Variants in RIC8B observed in about 807,000 individuals in gnomAD.
RIC8B encodes the protein chaperone Ric-8B.
Under a neutral mutation model 57.5 loss-of-function variants are expected in RIC8B, and 16 were observed. That is an observed-to-expected ratio of 0.28 (90% CI 0.19 to 0.42). The LOEUF (loss-of-function observed/expected upper bound fraction) is 0.42. Among genes scored for constraint, RIC8B ranks in the 10% least tolerant of loss-of-function variants. RIC8B has a pLI of 1.00. For missense variants in RIC8B, 481 were observed against 677.0 expected, an observed-to-expected ratio of 0.71 and a Z score of 3.21; for synonymous variants, 216 against 250.8, an observed-to-expected ratio of 0.86 and a Z score of 1.31.
chr12:106,825,659 A>G (rs1392778343), intron 3 of RIC8B, 67 bp from the exon 4 acceptor site: 1 of 1,141,662 alleles, frequency 8.8e-7, no homozygotes, highest in East Asian at 2.4e-5. Context: ...GAGATGTAGT[A>G]AAGTAGCAGA....
At chr12:106,845,136 T>G (rs1949128031) in intron 6 of RIC8B, among the ~76,000 whole-genome samples, 1 of 152,170 alleles carries the variant, frequency 6.6e-6, no homozygotes, top group African/African-American at 2.4e-5. Flanking sequence ...CCTTGTGCGC[T>G]CCCTCAGTCG....
In RIC8B at chr12:106,865,461, A is replaced by G. The variant is rs988494165; in HGVS notation, c.1451+5049A>G. On this transcript the variant is annotated intron_variant, in intron 8 of 9. Transcript: ENST00000392837. ...TTCTTTGATATAACCAAAACAGAAA[A>G]CAAAAGAAAGAAAATGTATCTGTGT... Among the ~76,000 whole-genome samples, 3 of 152,188 alleles carry G rather than the reference A, an allele frequency of 2.0e-5. 1 individual carries two copies. The South Asian group carries it at 6.2e-4, about 32-fold the overall frequency.
intron 6 of RIC8B, among the ~76,000 whole-genome samples, chr12:106,849,010 T>A (rs929299105): frequency 6.6e-6 from 1 of 152,048 alleles, no homozygotes; most frequent in African/African-American, 2.4e-5. Context: ...TGGGGATGGC[T>A]AATGGGTACA....
chr12:106,786,152 T>TTC (rs2044015342), intron 2 of RIC8B, among the ~76,000 whole-genome samples: 1 of 135,186 alleles, frequency 7.4e-6, no homozygotes, highest in African/African-American at 2.8e-5. Context: ...TTTTTTTTTT[T>TTC]TTTTTTTTTT....
rs538449999 is a variant in RIC8B at position 106,870,960 on chromosome 12, A to AT, written c.1571+24dup. 2.0e-3 allele frequency: 3,073 copies of AT among 1,542,330 alleles called. 31 individuals are homozygous for AT. Among genetic ancestry groups the AT allele is most frequent in the Non-Finnish European group, 1.2e-3 (1,373 of 1,142,674 alleles). ...CTTTCCAGGTATTGTATTCCCATCC[A>AT]TTTTTTGCTTGGTTTCTAAAAATGG... On this transcript the variant is annotated intron_variant, in intron 9 of 9. Transcript: ENST00000392837.
chr12:106,801,264 G>A (rs1426886875), intron 2 of RIC8B, among the ~76,000 whole-genome samples: 1 of 152,166 alleles, frequency 6.6e-6, no homozygotes, highest in Non-Finnish European at 1.5e-5. Context: ...AAGAAAGAAA[G>A]GGCAGCTGAT....
At chr12:106,881,723 A>C (rs971539831) in intron 9 of RIC8B, among the ~76,000 whole-genome samples, 1 of 152,194 alleles carries the variant, frequency 6.6e-6, no homozygotes, top group African/African-American at 2.4e-5. Context: ...TCATTTACCA[A>C]GCCTTTTAGG....
chr12:106,869,737 G>A lies in RIC8B; in HGVS notation c.1452-1086G>A, dbSNP rs535886896. Among the ~76,000 whole-genome samples, 36 of 152,252 alleles carry A rather than the reference G, an allele frequency of 2.4e-4. 1 individual carries two copies. In the East Asian group the frequency reaches 6.2e-3, roughly 26 times the overall value. On this transcript the variant is annotated intron_variant, in intron 8 of 9. Transcript: ENST00000392837. Reference sequence around the variant, plus strand: ...GAGGAACACTTGAGCTCAGGAGTTTGAGACCAGCCAGGCCAACATGGTGAA... The same window carrying A: ...GAGGAACACTTGAGCTCAGGAGTTTAAGACCAGCCAGGCCAACATGGTGAA...
intron 6 of RIC8B, among the ~76,000 whole-genome samples, 163 bp downstream of exon 6, chr12:106,844,110 A>G (rs1305698370): frequency 6.6e-6 from 1 of 152,202 alleles, no homozygotes; most frequent in Non-Finnish European, 1.5e-5. Context: ...TTTTTGAGTC[A>G]TTCATTCAGC....
chr12:106,859,797 CTTAAG>C (rs1192453719), intron 7 of RIC8B, among the ~76,000 whole-genome samples: 1 of 152,076 alleles, frequency 6.6e-6, no homozygotes, highest in African/African-American at 2.4e-5. Context: ...AATATTCTTC[CTTAAG>C]TTTTCTTTAT....
At chr12:106,821,612 G>A (rs1234283817) in intron 3 of RIC8B, among the ~76,000 whole-genome samples, 1 of 151,922 alleles carries the variant, frequency 6.6e-6, no homozygotes, top group East Asian at 1.9e-4. Context: ...GCAAAATAAG[G>A]ATAAAATTAT....
At position 106,779,868 on chromosome 12, in the gene RIC8B, CT is replaced by C. The variant is rs34745029; in HGVS notation, c.85-4108del. On this transcript the variant is annotated intron_variant, in intron 1 of 9. Transcript: ENST00000392837. ...TCTTGCTCCCCCACGGGGGCCTGTT[CT>C]TTTTTTTTTTTTTTTTTTTTGTGTG... 6.7e-3 allele frequency among the ~76,000 whole-genome samples: 658 copies of C among 98,936 alleles called. 1 individual carries two copies. The highest frequency in any genetic ancestry group is 0.01 in the Non-Finnish European group (508 of 49,880). 64.9% of individuals were successfully genotyped at this position (98,936 alleles called of 152,430 possible). A position where few individuals can be genotyped will look rare whatever the true frequency, so the allele number is the denominator to read the frequency against.
chr12:106,868,610 T>TG (rs1950239748), intron 8 of RIC8B, among the ~76,000 whole-genome samples: 1 of 152,156 alleles, frequency 6.6e-6, no homozygotes, highest in Non-Finnish European at 1.5e-5. Context: ...TCAGAAGCCT[T>TG]GTCTGGGTCT....
chr12:106,778,498 AT>A (rs1332327991), intron 1 of RIC8B, among the ~76,000 whole-genome samples: 2 of 152,216 alleles, frequency 1.3e-5, no homozygotes, highest in African/African-American at 4.8e-5. Flanking sequence ...ACCTGTTAAC[AT>A]TTATTGAGTG....
At chr12:106,882,395 C>A (rs1165141921) in intron 9 of RIC8B, among the ~76,000 whole-genome samples, 3 of 152,130 alleles carry the variant, frequency 2.0e-5, no homozygotes, top group Non-Finnish European at 4.4e-5. Flanking sequence ...CCGTCTGACT[C>A]CAAAACCTAT....
At chr12:106,859,266 C>T (rs1949832351) in intron 7 of RIC8B, among the ~76,000 whole-genome samples, 1 of 152,120 alleles carries the variant, frequency 6.6e-6, no homozygotes, top group South Asian at 2.1e-4. Flanking sequence ...CTAAACAAAG[C>T]TGCCAGTTAT....
chr12:106,853,453 C>CTTTTTTTTTTTTGTTTTTTTTTTTT (rs1949566009), intron 7 of RIC8B, among the ~76,000 whole-genome samples: 1 of 38,022 alleles, frequency 2.6e-5, no homozygotes, highest in African/African-American at 1.3e-4. Context: ...GCTTTATAGT[C>CTTTTTTTTTTTTGTTTTTTTTTTTT]TTTTTTTTTT....
chr12:106,810,587 T>G (rs1184093457), intron 2 of RIC8B, among the ~76,000 whole-genome samples: 2 of 152,206 alleles, frequency 1.3e-5, no homozygotes, highest in African/African-American at 4.8e-5. Flanking sequence ...GTTTTAAGCT[T>G]AGCCTTCGAG....
intron 2 of RIC8B, among the ~76,000 whole-genome samples, chr12:106,789,025 C>G (rs1198583655): frequency 6.6e-6 from 1 of 152,138 alleles, no homozygotes; most frequent in Non-Finnish European, 1.5e-5. Flanking sequence ...TAACAGCACC[C>G]AAGTCACCTC....
Sources: allele counts gnomAD v4.1 joint callset (sites outside exome capture counted in the v4.1 genomes callset), GRCh38; gene constraint gnomAD v4.1.1; transcripts MANE v1.5; gene names NCBI Gene and HGNC (gene_info 2026-07-23, HGNC 2026-07-21).